Variants in CSMD1 observed in about 807,000 individuals in gnomAD.
CSMD1 encodes the protein CUB and sushi domain-containing protein 1.
Under a neutral mutation model 417.5 loss-of-function variants are expected in CSMD1, and 213 were observed. The ratio of observed to expected loss-of-function variants is 0.51; its 90% confidence interval spans 0.46 to 0.57. The LOEUF (loss-of-function observed/expected upper bound fraction) is 0.57. CSMD1 is among the 20% of genes least tolerant of loss of function. The pLI, the probability that CSMD1 is intolerant of heterozygous loss-of-function variation, is 0.00. For synonymous variants in CSMD1, 2,862 were observed against 1,736.8 expected (o/e 1.65, Z -16.11); for missense variants, 6,923 against 4,529.7 (o/e 1.53, Z -15.17).
intron 5 of CSMD1, among the ~76,000 whole-genome samples, chr8:3,817,725 A>G (rs1801468356): frequency 6.6e-6 from 1 of 152,186 alleles, no homozygotes; most frequent in Admixed American, 6.5e-5. Context: ...GTTTCAGAAT[A>G]AAGAGCTAAG....
chr8:3,805,780 T>G (rs1585026152), intron 5 of CSMD1, among the ~76,000 whole-genome samples: 1 of 152,162 alleles, frequency 6.6e-6, no homozygotes, highest in African/African-American at 2.4e-5. Flanking sequence ...CCCCAGTCTT[T>G]GTGAGTCATC....
At chr8:4,504,818 T>C (rs185042942) in intron 2 of CSMD1, among the ~76,000 whole-genome samples, 4 of 152,330 alleles carry the variant, frequency 2.6e-5, no homozygotes, top group Admixed American at 2.6e-4. Context: ...GAACTCATTA[T>C]TTTTTATGGC....
chr8:3,787,616 A>T (rs60521353), intron 5 of CSMD1, among the ~76,000 whole-genome samples: 2 of 152,100 alleles, frequency 1.3e-5, no homozygotes, highest in South Asian at 2.1e-4. Context: ...TTAATTCTGT[A>T]TAAGTATTTT....
At chr8:4,928,085 C>T (rs1467904181) in intron 1 of CSMD1, among the ~76,000 whole-genome samples, 2 of 152,170 alleles carry the variant, frequency 1.3e-5, no homozygotes, top group Non-Finnish European at 2.9e-5. Flanking sequence ...TCTCTGAGCT[C>T]CATTCTTAGC....
intron 2 of CSMD1, among the ~76,000 whole-genome samples, chr8:4,623,577 G>A (rs1434988642): frequency 6.6e-6 from 1 of 151,920 alleles, no homozygotes; most frequent in African/African-American, 2.4e-5. Context: ...GGGGGTGAGG[G>A]GGGAACAAAT....
chr8:4,051,132 G>C (rs1017568231), intron 3 of CSMD1, among the ~76,000 whole-genome samples: 1 of 151,886 alleles, frequency 6.6e-6, no homozygotes, highest in Non-Finnish European at 1.5e-5. Context: ...GAAAAGAAAA[G>C]AAAAGAAAAA....
chr8:4,491,638 G>C (rs532177508), intron 2 of CSMD1, among the ~76,000 whole-genome samples: 1 of 152,210 alleles, frequency 6.6e-6, no homozygotes, highest in South Asian at 2.1e-4. Flanking sequence ...CATATGAAAA[G>C]ATGCTCAACC....
intron 7 of CSMD1, among the ~76,000 whole-genome samples, chr8:3,618,504 T>C (rs1314877269): frequency 6.6e-6 from 1 of 152,172 alleles, no homozygotes; most frequent in Non-Finnish European, 1.5e-5. Flanking sequence ...ATTATTTTGC[T>C]GCATGATGTG....
At chr8:3,021,660 C>A (rs544880061) in intron 51 of CSMD1, among the ~76,000 whole-genome samples, 4 of 151,980 alleles carry the variant, frequency 2.6e-5, no homozygotes, top group African/African-American at 7.3e-5. Flanking sequence ...CTCCGGAATG[C>A]ACCTGCAATC....
intron 2 of CSMD1, among the ~76,000 whole-genome samples, chr8:4,601,787 G>C (rs1237357850): frequency 1.3e-5 from 2 of 152,160 alleles, no homozygotes; most frequent in East Asian, 3.9e-4. Context: ...CAAATGAAAA[G>C]TGAGTAAACT....
chr8:3,324,195 T>C (rs532553035), intron 23 of CSMD1, among the ~76,000 whole-genome samples: 7 of 123,314 alleles, frequency 5.7e-5, no homozygotes, highest in Non-Finnish European at 1.0e-4. Context: ...CCTTTCATTG[T>C]TGTTAAAATA....
chr8:3,671,225 T>C (rs1295181416), intron 7 of CSMD1, among the ~76,000 whole-genome samples: 3 of 145,632 alleles, frequency 2.1e-5, no homozygotes, highest in Non-Finnish European at 1.5e-5. Context: ...GGGATGTATG[T>C]ATATGGGATA....
intron 23 of CSMD1, among the ~76,000 whole-genome samples, chr8:3,338,339 G>C (rs1053213232): frequency 1.3e-5 from 2 of 152,180 alleles, no homozygotes; most frequent in East Asian, 1.9e-4. Context: ...ACGGAAACTA[G>C]CAAGTGAATG....
intron 2 of CSMD1, among the ~76,000 whole-genome samples, chr8:4,460,426 G>A (rs1392843475): frequency 6.6e-6 from 1 of 151,836 alleles, no homozygotes; most frequent in Non-Finnish European, 1.5e-5. Flanking sequence ...TCACTGTCCT[G>A]GAAAAAGTAC....
At chr8:3,477,547 G>A (rs1817502762) in intron 11 of CSMD1, among the ~76,000 whole-genome samples, 1 of 152,172 alleles carries the variant, frequency 6.6e-6, no homozygotes, top group East Asian at 1.9e-4. Context: ...GGGTACCTGG[G>A]CAGACTCATT....
At chr8:4,689,100 G>C (rs903832815) in intron 1 of CSMD1, among the ~76,000 whole-genome samples, 1 of 152,116 alleles carries the variant, frequency 6.6e-6, no homozygotes. Context: ...TGATAAATTT[G>C]TTCTCAACCC....
intron 10 of CSMD1, among the ~76,000 whole-genome samples, chr8:3,557,448 G>C (rs1488116258): frequency 5.3e-5 from 8 of 152,188 alleles, no homozygotes; most frequent in Non-Finnish European, 2.9e-5. Context: ...GAAATTCAAA[G>C]AGGTTTTAGA....
At position 3,354,919 on chromosome 8, in the gene CSMD1, C is replaced by CTATCTATAGATATCGA. The variant is rs1563304011; in HGVS notation, c.3304+4232_3304+4233insTCGATATCTATAGATA. Among the ~76,000 whole-genome samples, 22 of 141,618 alleles carry CTATCTATAGATATCGA rather than the reference C, an allele frequency of 1.6e-4. 1 individual carries two copies. In the South Asian group the frequency reaches 4.0e-3, roughly 26 times the overall value. 92.9% of individuals were successfully genotyped at this position (141,618 alleles called of 152,430 possible). A position where few individuals can be genotyped will look rare whatever the true frequency, so the allele number is the denominator to read the frequency against. On this transcript the variant is annotated intron_variant, in intron 21 of 69. Coordinates refer to ENST00000635120, the MANE Select transcript of CSMD1 (RefSeq NM_033225.6). ...TCTATAGATCTATCTATAGATATGT[C>CTATCTATAGATATCGA]TATCTATAGATATAGATATATATAG...
At chr8:4,480,376 A>G (rs1801032680) in intron 2 of CSMD1, among the ~76,000 whole-genome samples, 1 of 152,174 alleles carries the variant, frequency 6.6e-6, no homozygotes, top group Admixed American at 6.5e-5. Flanking sequence ...ATTTCTCACT[A>G]GAATATTTGA....
Sources: gnomAD v4.1 joint callset for allele counts (sites outside exome capture counted in the v4.1 genomes callset) on GRCh38, gnomAD v4.1.1 for gene constraint, MANE v1.5 for transcripts, NCBI Gene and HGNC (gene_info 2026-07-23, HGNC 2026-07-21) for gene names.